Variants in TRPM6 observed in about 807,000 individuals in gnomAD.
The protein encoded by TRPM6 is transient receptor potential cation channel subfamily M member 6, also known as channel kinase 2.
A neutral mutation model predicts 247.6 loss-of-function variants in TRPM6; 111 were observed. The ratio of observed to expected loss-of-function variants is 0.45; its 90% CI spans 0.38 to 0.52. The LOEUF (loss-of-function observed/expected upper bound fraction) is 0.52, where lower values mean the gene tolerates loss of function less well. Ranked by LOEUF, TRPM6 falls within the 20% of genes least tolerant of loss-of-function variation. TRPM6 has a pLI of 0.00. For missense variants in TRPM6, 2,126 were observed against 2,421.5 expected, an observed-to-expected ratio of 0.88 and a Z score of 2.56; for synonymous variants, 892 against 853.8, an observed-to-expected ratio of 1.04 and a Z score of -0.78.
intron 6 of TRPM6, among the ~76,000 whole-genome samples, chr9:74,830,678 G>A (rs530007112): frequency 6.7e-6 from 1 of 149,814 alleles, no homozygotes; most frequent in Non-Finnish European, 1.5e-5. Flanking sequence ...CCAGGTTCAA[G>A]CAATCCTTCC....
At chr9:74,784,259 T>A (rs1228338403) in intron 21 of TRPM6, among the ~76,000 whole-genome samples, 2 of 133,374 alleles carry the variant, frequency 1.5e-5, no homozygotes, top group Non-Finnish European at 1.6e-5. Context: ...CAAGACTCCA[T>A]CTCAGAAAAA....
intron 5 of TRPM6, among the ~76,000 whole-genome samples, chr9:74,835,426 C>T (rs1314872751): frequency 1.3e-5 from 2 of 152,044 alleles, no homozygotes; most frequent in Non-Finnish European, 2.9e-5. Context: ...GCACAACATC[C>T]TGCAGATATG....
At chr9:74,845,636 G>C (rs549374937) in intron 3 of TRPM6, among the ~76,000 whole-genome samples, 348 of 152,198 alleles carry the variant, frequency 2.3e-3, no homozygotes, top group African/African-American at 8.1e-3. Flanking sequence ...TTCATGACCA[G>C]CCTGGGCAAC....
intron 23 of TRPM6, among the ~76,000 whole-genome samples, chr9:74,776,451 T>A (rs571059844): frequency 6.6e-6 from 1 of 152,324 alleles, no homozygotes; most frequent in African/African-American, 2.4e-5. Flanking sequence ...ACAGCTTTAA[T>A]GTTCCTCTGT....
chr9:74,887,348 C>G (rs1050158494), intron 1 of TRPM6: 2 of 1,392,188 alleles, frequency 1.4e-6, no homozygotes, highest in Admixed American at 6.3e-5. Context: ...CTCGGAAAGC[C>G]GCGACCCCCG....
rs1228546410 is a variant in TRPM6, at chr9:74,782,432, G to T, written c.3139C>A (p.Pro1047Thr). The T allele has an allele frequency of 1.4e-5, 22 of 1,613,944 alleles. No homozygotes were observed. Among genetic ancestry groups the T allele is most frequent in the Non-Finnish European group, 1.9e-5 (22 of 1,180,024 alleles). The stretch of plus-strand genomic sequence containing the variant: ...AAGAGGTAGACAGCTTGCAAGAATG[G>T]AGTAAGAAAAGAACCAGGAGGGCAG... ...PSCPPGSFLT[P>T]FLQAVYLFVQ... is the part of the protein sequence containing the mutation. Residue 1047 changes from proline to threonine, a missense_variant, in exon 23 of 39, where the codon CCA becomes ACA. Pro to Thr is a conservative substitution (Grantham distance 38). Transcript: ENST00000360774.
At chr9:74,884,406 G>A (rs899593619) in intron 1 of TRPM6, among the ~76,000 whole-genome samples, 2 of 151,780 alleles carry the variant, frequency 1.3e-5, no homozygotes, top group Non-Finnish European at 2.9e-5. Context: ...GGAGAATGGT[G>A]TGAACCCAGC....
At chr9:74,743,947 T>G in intron 32 of TRPM6, 148 bp downstream of exon 32, 1 of 802,686 alleles carries the variant, frequency 1.2e-6, no homozygotes, top group East Asian at 2.6e-5. Flanking sequence ...AAGTTAGAAA[T>G]TGGAATGTTC....
chr9:74,836,781 G>A (rs1274472462), intron 5 of TRPM6, among the ~76,000 whole-genome samples: 2 of 152,156 alleles, frequency 1.3e-5, no homozygotes, highest in African/African-American at 4.8e-5. Flanking sequence ...ACTCCAGCCA[G>A]GAGCTTTATC....
In TRPM6 at chr9:74,847,648, CAT is replaced by C. The variant is rs1415482516; in HGVS notation, c.153-5307_153-5306del. The stretch of plus-strand genomic sequence containing the variant: ...AGTCATATGTATAGTCATATACAGT[CAT>C]ATATATAGTCATATATATAGTCATA... On this transcript the variant is annotated intron_variant, in intron 3 of 38. Coordinates refer to ENST00000360774, the MANE Select transcript of TRPM6 (RefSeq NM_017662.5). 1.2e-4 allele frequency among the ~76,000 whole-genome samples: 9 copies of C among 77,778 alleles called. No homozygotes were observed. In the East Asian group the frequency reaches 7.1e-3, roughly 61 times the overall value. 51.0% of individuals were successfully genotyped at this position (77,778 alleles called of 152,430 possible).
intron 27 of TRPM6, among the ~76,000 whole-genome samples, chr9:74,756,709 GGT>G (rs1157805330): frequency 7.3e-6 from 1 of 137,840 alleles, no homozygotes; most frequent in Non-Finnish European, 1.5e-5. Context: ...AAAATAGCCA[GGT>G]GTGGTGGCAC....
chr9:74,778,902 C>T (rs1827320998), intron 23 of TRPM6, among the ~76,000 whole-genome samples: 1 of 152,138 alleles, frequency 6.6e-6, no homozygotes, highest in South Asian at 2.1e-4. Flanking sequence ...AGGCAACACT[C>T]CTTCCCAAAG....
In TRPM6 at chr9:74,812,347, G is replaced by A. The variant is rs763760881; in HGVS notation, c.1395C>T (p.Asn465=). ...GAGGGATGGTAAGAAAGCGATGGAG[G>A]TTCACTCCATATTCTATTAAGAGCT... The part of the protein sequence containing the change: ...FVKLLIEYGV[N]LHRFLTIPRL... The change falls in exon 12 of 39, where the codon AAC becomes AAT. Residue 465 remains asparagine, a synonymous_variant. Transcript: ENST00000360774. 6.2e-7 allele frequency: 1 copy of A among 1,612,746 alleles called. No individual in the cohort carries two copies. The highest frequency in any genetic ancestry group is 2.2e-5 in the East Asian group (1 of 44,880).
At chr9:74,763,519 G>A (rs888193062) in intron 25 of TRPM6, among the ~76,000 whole-genome samples, 6 of 151,550 alleles carry the variant, frequency 4.0e-5, no homozygotes, top group Admixed American at 2.6e-4. Context: ...CTAACAGCAA[G>A]CACCGTACAA....
rs1397241414 is a variant in TRPM6, at chr9:74,762,092, T to C, written c.4579A>G (p.Ile1527Val). ...PWLQPNTSFW[I>V]NPLRRYRPFA... ...GGCCTGTATCTGCGGAGAGGATTGA[T>C]CCAAAAGGATGTGTTTGGCTGAAGC... Residue 1527 changes from isoleucine (I) to valine (V), a missense_variant, in exon 26 of 39, where the codon ATC (isoleucine) becomes GTC (valine). By Grantham distance (29) the Ile-to-Val change is conservative. Transcript: ENST00000360774. 9.9e-6 allele frequency: 16 copies of C among 1,614,184 alleles called. No homozygotes were observed. The highest frequency in any genetic ancestry group is 1.7e-5 in the Admixed American group (1 of 59,998).
chr9:74,743,092 C>T (rs1365762830), intron 32 of TRPM6, among the ~76,000 whole-genome samples: 2 of 152,198 alleles, frequency 1.3e-5, no homozygotes, highest in Admixed American at 6.5e-5. Context: ...TCTGCATTTT[C>T]CTGTTAAGAG....
chr9:74,855,933 A>G (rs528946434), intron 2 of TRPM6, among the ~76,000 whole-genome samples: 2 of 152,344 alleles, frequency 1.3e-5, no homozygotes, highest in African/African-American at 2.4e-5. Context: ...GACAGTGTGT[A>G]CAATAATGGT....
intron 1 of TRPM6, among the ~76,000 whole-genome samples, chr9:74,883,175 T>C (rs1353350658): frequency 6.6e-6 from 1 of 152,210 alleles, no homozygotes. Flanking sequence ...ATCCATGTTG[T>C]AGCATGTGTC....
At chr9:74,835,455 A>G (rs1829693510) in intron 5 of TRPM6, among the ~76,000 whole-genome samples, 1 of 152,158 alleles carries the variant, frequency 6.6e-6, no homozygotes. Flanking sequence ...TCATTAAGGC[A>G]AACTAATTTA....
Sources: gnomAD v4.1 joint callset for allele counts (sites outside exome capture counted in the v4.1 genomes callset) on GRCh38, gnomAD v4.1.1 for gene constraint, MANE v1.5 for transcripts, NCBI Gene and HGNC (gene_info 2026-07-23, HGNC 2026-07-21) for gene names.